The following TBC1D8 variants were observed in gnomAD, a reference collection of about 807,000 sequenced individuals.
TBC1D8 encodes the protein BUB2-like protein 1.
In TBC1D8, 65 loss-of-function variants were observed where a neutral mutation model predicts 118.8. That is an observed-to-expected ratio of 0.55 (90% CI 0.45 to 0.67). The LOEUF is 0.67. TBC1D8 is among the 30% of genes least tolerant of loss of function. The pLI is 0.00. For missense variants in TBC1D8, 1,376 were observed against 1,471.2 expected, an observed-to-expected ratio of 0.94 and a Z score of 1.06; for synonymous variants, 566 against 595.8, an observed-to-expected ratio of 0.95 and a Z score of 0.73.
chr2:101,133,787 T>G (rs1678704781), intron 1 of TBC1D8, among the ~76,000 whole-genome samples: 1 of 152,104 alleles, frequency 6.6e-6, no homozygotes, highest in African/African-American at 2.4e-5. Flanking sequence ...ACTGGGCAAT[T>G]AATAAAGGAT....
chr2:101,055,093 G>GT (rs1163258305), intron 3 of TBC1D8, among the ~76,000 whole-genome samples: 1 of 151,322 alleles, frequency 6.6e-6, no homozygotes, highest in Non-Finnish European at 1.5e-5. Context: ...TAAGATAAAA[G>GT]TTAGTCCTTT....
At chr2:101,093,590 C>T (rs184190750) in intron 1 of TBC1D8, among the ~76,000 whole-genome samples, 2 of 152,044 alleles carry the variant, frequency 1.3e-5, no homozygotes, top group African/African-American at 4.8e-5. Flanking sequence ...TGGTACACGC[C>T]TGTAATCCTA....
At chr2:101,120,757 A>G (rs2104232351) in intron 1 of TBC1D8, among the ~76,000 whole-genome samples, 1 of 152,356 alleles carries the variant, frequency 6.6e-6, no homozygotes, top group Middle Eastern at 3.4e-3. Flanking sequence ...CAAGTGCCCC[A>G]TGGGCAGTGA....
intron 3 of TBC1D8, among the ~76,000 whole-genome samples, chr2:101,054,565 C>A (rs1434523040): frequency 1.3e-5 from 2 of 151,730 alleles, no homozygotes; most frequent in Admixed American, 1.3e-4. Context: ...GGTCAGAAAA[C>A]CCAAGAACCA....
Position 101,037,726 on chromosome 2 carries a change from C to T in TBC1D8, c.1276-18G>A, listed in dbSNP as rs766821052. ...AGTGAAGCCTGCACAGCAAGAGAGA[C>T]AGAGACAGAGAGAGAGAGGAGAGGA... is the stretch of plus-strand genomic sequence containing the variant. On this transcript the variant is annotated intron_variant, in intron 7 of 19. Coordinates refer to ENST00000409318, the MANE Select transcript of TBC1D8 (RefSeq NM_001330348.2). 4.3e-6 allele frequency: 7 copies of T among 1,610,640 alleles called. No homozygotes were observed. Among genetic ancestry groups the T allele is most frequent in the Non-Finnish European group, 5.9e-6 (7 of 1,179,766 alleles).
At chr2:101,055,379 C>CA (rs554844344) in intron 3 of TBC1D8, among the ~76,000 whole-genome samples, 315 of 133,806 alleles carry the variant, frequency 2.4e-3, no homozygotes, top group Middle Eastern at 0.012. Flanking sequence ...ACAGAGTCCT[C>CA]AAAAAAAAAA....
At chr2:101,081,246 C>T (rs920193091) in intron 2 of TBC1D8, among the ~76,000 whole-genome samples, 1 of 152,180 alleles carries the variant, frequency 6.6e-6, no homozygotes, top group Non-Finnish European at 1.5e-5. Context: ...TGGCAGTGCC[C>T]CTGCCCACCA....
intron 4 of TBC1D8, among the ~76,000 whole-genome samples, chr2:101,051,048 G>A (rs2105412838): frequency 6.6e-6 from 1 of 152,278 alleles, no homozygotes; most frequent in Non-Finnish European, 1.5e-5. Context: ...AAAGCATAAT[G>A]GCCTCCAGCT....
chr2:101,059,544 A>C lies in TBC1D8; in HGVS notation c.284-5T>G. ...TGATTTCCTCTAATGTTGCACCTGG[A>C]TTCAAACAGAAAAAGATACAGAGAT... On this transcript the variant is annotated splice_polypyrimidine_tract_variant and splice_region_variant and intron_variant, in intron 2 of 19. Coordinates refer to ENST00000409318, the MANE Select transcript of TBC1D8 (RefSeq NM_001330348.2). 6.3e-7 allele frequency: 1 copy of C among 1,599,652 alleles called. No homozygotes were observed. The highest frequency in any genetic ancestry group is 8.6e-7 in the Non-Finnish European group (1 of 1,168,852).
At chr2:101,040,768 C>A (rs1233305614) in intron 5 of TBC1D8, among the ~76,000 whole-genome samples, 1 of 152,244 alleles carries the variant, frequency 6.6e-6, no homozygotes, top group Admixed American at 6.5e-5. Flanking sequence ...CCGCGCCCAG[C>A]CAAGAAAATA....
chr2:101,143,939 G>C (rs1679220333), intron 1 of TBC1D8, among the ~76,000 whole-genome samples: 1 of 152,226 alleles, frequency 6.6e-6, no homozygotes, highest in Non-Finnish European at 1.5e-5. Flanking sequence ...GCTGGTATAA[G>C]ACAGTTAAGA....
intron 1 of TBC1D8, among the ~76,000 whole-genome samples, chr2:101,129,283 G>A (rs1477110813): frequency 6.6e-6 from 1 of 151,908 alleles, no homozygotes; most frequent in East Asian, 1.9e-4. Context: ...TGGGACTCCA[G>A]GCACACGCCA....
chr2:101,041,284 G>A (rs916230341), intron 5 of TBC1D8, among the ~76,000 whole-genome samples: 1 of 152,166 alleles, frequency 6.6e-6, no homozygotes, highest in Non-Finnish European at 1.5e-5. Flanking sequence ...AATAACCCAA[G>A]TGTCCATTAA....
At chr2:101,051,264 T>C (rs1682056673) in intron 4 of TBC1D8, among the ~76,000 whole-genome samples, 1 of 152,182 alleles carries the variant, frequency 6.6e-6, no homozygotes, top group Non-Finnish European at 1.5e-5. Flanking sequence ...TTCCTTTGGA[T>C]ATACACCTAG....
Position 101,050,604 on chromosome 2 carries a change from T to A in TBC1D8, c.669A>T (p.Leu223Phe). The A allele has an allele frequency of 6.2e-7, 1 of 1,614,004 alleles. No individual in the cohort carries two copies. Among genetic ancestry groups the A allele is most frequent in the Non-Finnish European group, 8.5e-7 (1 of 1,179,892 alleles). Residue 223 changes from leucine to phenylalanine, a missense_variant, in exon 5 of 20, where the codon TTA (leucine) becomes TTT (phenylalanine). Leu to Phe is a conservative substitution (Grantham distance 22, BLOSUM62 0). Transcript: ENST00000409318. Reference sequence around the variant, plus strand: ...TCAGAAAGACATTGGACGTTCTTTCTAATTTCTGGATATCAACCCACGGAA... The same window carrying A: ...TCAGAAAGACATTGGACGTTCTTTCAAATTTCTGGATATCAACCCACGGAA... The part of the protein sequence containing the change: ...LVVPWVDIQK[L>F]ERTSNVFLTD...
intron 2 of TBC1D8, among the ~76,000 whole-genome samples, chr2:101,069,912 GTTTACTTT>G (rs1272501800): frequency 1.1e-5 from 1 of 89,348 alleles, no homozygotes; most frequent in Non-Finnish European, 2.1e-5. Context: ...TACAGAGCAT[GTTTACTTT>G]TTTTTTTTTT....
intron 17 of TBC1D8, chr2:101,017,723 C>T (rs771681666): frequency 3.4e-5 from 32 of 931,386 alleles, no homozygotes; most frequent in Non-Finnish European, 4.6e-5. Flanking sequence ...TGGTACATCA[C>T]TTTATCACAG....
At chr2:101,145,563 C>G (rs1679285316) in intron 1 of TBC1D8, among the ~76,000 whole-genome samples, 1 of 152,184 alleles carries the variant, frequency 6.6e-6, no homozygotes, top group Non-Finnish European at 1.5e-5. Context: ...AATGCAACAT[C>G]CATGCTGGAC....
chr2:101,095,487 G>A (rs1435728756), intron 1 of TBC1D8, among the ~76,000 whole-genome samples: 2 of 144,066 alleles, frequency 1.4e-5, no homozygotes, highest in African/African-American at 2.6e-5. Flanking sequence ...CCACCTATGA[G>A]TGAAAACATG....
Sources: allele counts gnomAD v4.1 joint callset (sites outside exome capture counted in the v4.1 genomes callset), GRCh38; gene constraint gnomAD v4.1.1; transcripts MANE v1.5; gene names NCBI Gene and HGNC (gene_info 2026-07-23, HGNC 2026-07-21).